The following GRIK5 variants were observed in gnomAD, a reference collection of about 807,000 sequenced individuals.
GRIK5 encodes glutamate receptor ionotropic, kainate 5.
Under a neutral mutation model 97.4 loss-of-function variants are expected in GRIK5, and 43 were observed. That is an observed-to-expected ratio of 0.44 (90% CI 0.35 to 0.57). The LOEUF (loss-of-function observed/expected upper bound fraction) is 0.57, where lower values mean the gene tolerates loss of function less well. GRIK5 is among the 20% of genes least tolerant of loss of function. GRIK5 has a pLI of 0.01. For missense variants in GRIK5, 1,015 were observed against 1,382.0 expected, an observed-to-expected ratio of 0.73 and a Z score of 4.21; for synonymous variants, 580 against 583.5, an observed-to-expected ratio of 0.99 and a Z score of 0.09.
Position 42,065,386 on chromosome 19 carries a change from A to C in GRIK5, c.81T>G (p.Ala27=), listed in dbSNP as rs1337063153. Residue 27 remains alanine, a splice_region_variant and synonymous_variant, in exon 3 of 20, where the codon GCT becomes GCG. Coordinates refer to ENST00000593562, the MANE Select transcript of GRIK5 (RefSeq NM_002088.5). The surrounding 1 kb of genome is among the most constrained non-coding windows in gnomAD (Gnocchi z 5.8). The part of the protein sequence containing the change: ...SCQVLSSLRM[A]AILDDQTVCG... ...ACACTGTCTGATCATCCAGGATTGCAGCTGAGGGGACACATGGGTTGGGGA... is the reference window on the plus strand; with the variant it reads ...ACACTGTCTGATCATCCAGGATTGCCGCTGAGGGGACACATGGGTTGGGGA... 2.8e-5 allele frequency: 45 copies of C among 1,580,120 alleles called. No individual in the cohort carries two copies. Among genetic ancestry groups the C allele is most frequent in the Non-Finnish European group, 3.7e-5 (43 of 1,160,682 alleles).
chr19:42,029,117 G>T (rs1247970654), intron 12 of GRIK5, among the ~76,000 whole-genome samples: 4 of 152,076 alleles, frequency 2.6e-5, no homozygotes, highest in Non-Finnish European at 5.9e-5. Flanking sequence ...AGCTGGGCTA[G>T]AGTGCAGTGG....
intron 1 of GRIK5, among the ~76,000 whole-genome samples, chr19:42,066,174 G>A (rs1443337269): frequency 2.0e-5 from 3 of 152,080 alleles, no homozygotes; most frequent in African/African-American, 4.8e-5. Context: ...AAACCAGGAA[G>A]TGCCACCCCC....
At chr19:42,030,212 C>A (rs2075825093) in intron 12 of GRIK5, among the ~76,000 whole-genome samples, 1 of 152,114 alleles carries the variant, frequency 6.6e-6, no homozygotes, top group Admixed American at 6.6e-5. Context: ...GTGACAGAGT[C>A]TCGCTGTCGC....
At chr19:42,011,284 G>A (rs1048159623) in intron 15 of GRIK5, among the ~76,000 whole-genome samples, 5 of 151,986 alleles carry the variant, frequency 3.3e-5, no homozygotes, top group Admixed American at 1.3e-4. Context: ...TGGGTGCGGT[G>A]GTTTACGCCT....
At chr19:42,008,287 G>A (rs1435242726) in intron 15 of GRIK5, among the ~76,000 whole-genome samples, 1 of 152,056 alleles carries the variant, frequency 6.6e-6, no homozygotes, top group Non-Finnish European at 1.5e-5. Context: ...AAGGTGCTGG[G>A]ATTACAGGCA....
In GRIK5 at chr19:42,042,790, G is replaced by A; in HGVS notation, c.1270-35C>T. On this transcript the variant is annotated intron_variant, in intron 11 of 19. Transcript: ENST00000593562. The surrounding 1 kb of genome is among the most constrained non-coding windows in gnomAD (Gnocchi z 6.9). The stretch of plus-strand genomic sequence containing the variant: ...CAGAAGAAAGCAGGGGTCAGAGGCT[G>A]GGTGTCTAGTGGCTGGGTTGCGGAT... 1 of 1,563,584 alleles carries A rather than the reference G, an allele frequency of 6.4e-7. No individual in the cohort carries two copies. Among genetic ancestry groups the A allele is most frequent in the Non-Finnish European group, 8.8e-7 (1 of 1,141,560 alleles).
rs1208040341 is a variant in GRIK5 at position 41,998,935 on chromosome 19, G to T, written c.2879C>A (p.Ala960Asp). Residue 960 changes from alanine (A) to aspartate (D), a missense_variant, in exon 20 of 20, where the codon GCC (alanine) becomes GAC (aspartate). By Grantham distance (126) the Ala-to-Asp change is moderately radical. This residue lies in a region of GRIK5 where 109 missense variants were observed against 100.4 expected (regional missense o/e 1.09). Transcript: ENST00000593562. ...PPRGLGVPAEATSPPRPRPGP... is the reference protein window; with the variant it reads ...PPRGLGVPAEDTSPPRPRPGP... The stretch of plus-strand genomic sequence containing the variant: ...AGGCCGCGGCCGGGGCGGGCTGGTG[G>T]CTTCGGCGGGGACGCCCAGGCCACG... 49 of 1,127,284 alleles carry T rather than the reference G, an allele frequency of 4.3e-5. No individual in the cohort carries two copies. Among genetic ancestry groups the T allele is most frequent in the Admixed American group, 4.9e-5 (1 of 20,306 alleles). The allele number at this position is 1,127,284 out of a possible 1,614,324, so 69.8% of individuals were successfully genotyped here.
At chr19:42,044,335 C>T (rs1016166698) in intron 11 of GRIK5, among the ~76,000 whole-genome samples, 16 of 152,146 alleles carry the variant, frequency 1.1e-4, no homozygotes, top group East Asian at 5.8e-4. Flanking sequence ...AATTCTAATA[C>T]CAATTATTAT....
chr19:42,016,632 G>C (rs1041416986), intron 15 of GRIK5, among the ~76,000 whole-genome samples: 1 of 152,188 alleles, frequency 6.6e-6, no homozygotes, highest in Non-Finnish European at 1.5e-5. Flanking sequence ...GTTTGGAGAT[G>C]CCTGTTGAGC....
At chr19:42,058,056 C>T (rs1322772585) in intron 6 of GRIK5, among the ~76,000 whole-genome samples, 3 of 152,228 alleles carry the variant, frequency 2.0e-5, no homozygotes, top group Admixed American at 6.5e-5. Context: ...GCCGGGATCC[C>T]AGCCCAGGCC....
At chr19:42,066,985 C>A (rs1745723265) in intron 1 of GRIK5, among the ~76,000 whole-genome samples, 1 of 152,202 alleles carries the variant, frequency 6.6e-6, no homozygotes, top group African/African-American at 2.4e-5. Flanking sequence ...TTGCTCTTCA[C>A]AACTCTCCAC....
chr19:42,036,407 C>T (rs1400068844), intron 12 of GRIK5, among the ~76,000 whole-genome samples: 1 of 152,008 alleles, frequency 6.6e-6, no homozygotes, highest in Non-Finnish European at 1.5e-5. Flanking sequence ...GGCTGGAGTG[C>T]AGTGGTGCAA....
In GRIK5 at chr19:42,065,167, GA is replaced by G. The variant is rs2076312862; in HGVS notation, c.244+55del. ...GCCAGAGGCCAGGGGCAGAGGGATG[GA>G]CTGAGGGCCACCGACCTGCCCTGCC... On this transcript the variant is annotated intron_variant, in intron 3 of 19. Coordinates refer to ENST00000593562, the MANE Select transcript of GRIK5 (RefSeq NM_002088.5). This position sits in a 1 kb window ranked among gnomAD's most constrained non-coding sequence, Gnocchi z 5.8. The G allele has an allele frequency of 1.3e-6, 2 of 1,499,826 alleles. No homozygotes were observed. The highest frequency in any genetic ancestry group is 2.4e-5 in the South Asian group (2 of 83,108). 92.9% of individuals were successfully genotyped at this position (1,499,826 alleles called of 1,614,324 possible).
rs192422024 is a variant in GRIK5, at chr19:42,056,037, G to T, written c.903+625C>A. On this transcript the variant is annotated intron_variant, in intron 8 of 19. Coordinates refer to ENST00000593562, the MANE Select transcript of GRIK5 (RefSeq NM_002088.5). ...GTCTCGCTCTCTCGCCCAGGCTGGA[G>T]TGCAATGGCACGATCTCAGCTCACT... Among the ~76,000 whole-genome samples the T allele has an allele frequency of 4.6e-5, 7 of 150,958 alleles. No individual in the cohort carries two copies. In the East Asian group the frequency reaches 1.4e-3, roughly 29 times the overall value.
At chr19:42,033,333 A>C (rs1018509008) in intron 12 of GRIK5, among the ~76,000 whole-genome samples, 8 of 152,128 alleles carry the variant, frequency 5.3e-5, no homozygotes, top group Non-Finnish European at 7.4e-5. Flanking sequence ...AAAAAAAAAA[A>C]AAAAAACGGA....
intron 11 of GRIK5, among the ~76,000 whole-genome samples, chr19:42,046,831 T>C (rs2076048656): frequency 6.6e-6 from 1 of 152,134 alleles, no homozygotes; most frequent in Non-Finnish European, 1.5e-5. Context: ...TCACCTGCCT[T>C]GTACTCTTTG....
chr19:42,051,097 TAGTCACC>T (rs1244373982), intron 11 of GRIK5, among the ~76,000 whole-genome samples: 5 of 152,122 alleles, frequency 3.3e-5, no homozygotes, highest in African/African-American at 7.2e-5. Context: ...ACTGCCACAC[TAGTCACC>T]AAAGGGCAGA....
chr19:42,012,866 C>CAA (rs57198505), intron 15 of GRIK5, among the ~76,000 whole-genome samples: 2 of 104,730 alleles, frequency 1.9e-5, no homozygotes, highest in African/African-American at 3.6e-5. Flanking sequence ...GATATTGCCT[C>CAA]AAAAAAAAAA....
chr19:42,048,592 C>T (rs973729220), intron 11 of GRIK5, among the ~76,000 whole-genome samples: 2 of 151,910 alleles, frequency 1.3e-5, no homozygotes, highest in African/African-American at 4.8e-5. Flanking sequence ...TGCACTCCAG[C>T]CTGGGTGACA....
Sources: gnomAD v4.1 joint callset for allele counts (sites outside exome capture counted in the v4.1 genomes callset) on GRCh38, gnomAD v4.1.1 for gene constraint, gnomAD v4.1.1 regional missense constraint, Gnocchi (gnomAD v3.1) non-coding constraint, MANE v1.5 for transcripts, NCBI Gene and HGNC (gene_info 2026-07-23, HGNC 2026-07-21) for gene names.